The following ARHGAP24 variants were observed in gnomAD, a reference collection of about 807,000 sequenced individuals.
ARHGAP24 encodes rho GTPase-activating protein 24.
A neutral mutation model predicts 76.4 loss-of-function variants in ARHGAP24; 50 were observed. The observed-to-expected ratio is 0.65, with a 90% CI of 0.52 to 0.83. The LOEUF is 0.83. ARHGAP24 is among the 40% of genes least tolerant of loss of function. ARHGAP24 has a pLI of 0.00. For missense variants in ARHGAP24, 930 were observed against 914.2 expected, an observed-to-expected ratio of 1.02 and a Z score of -0.22; for synonymous variants, 345 against 323.3, an observed-to-expected ratio of 1.07 and a Z score of -0.72.
intron 7 of ARHGAP24, among the ~76,000 whole-genome samples, chr4:85,976,974 T>C (rs369095783): frequency 3.3e-5 from 5 of 152,046 alleles, no homozygotes; most frequent in African/African-American, 1.2e-4. Flanking sequence ...TTAGTAGAGA[T>C]GGGGTTTCAC....
intron 3 of ARHGAP24, among the ~76,000 whole-genome samples, chr4:85,734,608 A>AGTGCAGG (rs1725534762): frequency 7.0e-6 from 1 of 142,084 alleles, no homozygotes; most frequent in Non-Finnish European, 1.5e-5. Context: ...GAAAACAATT[A>AGTGCAGG]GTGCAGGGGC....
intron 2 of ARHGAP24, among the ~76,000 whole-genome samples, chr4:85,649,938 T>C (rs1388051700): frequency 6.6e-6 from 1 of 152,098 alleles, no homozygotes; most frequent in African/African-American, 2.4e-5. Context: ...TTATTGAGGC[T>C]TAGAGATATC....
At chr4:85,567,647 G>C (rs143211341) in intron 1 of ARHGAP24, among the ~76,000 whole-genome samples, 125 of 152,148 alleles carry the variant, frequency 8.2e-4, no homozygotes, top group Non-Finnish European at 1.4e-3. Flanking sequence ...ATCGTACTGA[G>C]TAGTAAGGGT....
intron 2 of ARHGAP24, among the ~76,000 whole-genome samples, chr4:85,673,187 C>A (rs777661736): frequency 2.0e-5 from 3 of 152,138 alleles, no homozygotes; most frequent in African/African-American, 7.2e-5. Context: ...TTCAAGTGCA[C>A]TTCCCTTTAG....
intron 2 of ARHGAP24, among the ~76,000 whole-genome samples, chr4:85,667,081 T>A (rs1410445688): frequency 1.3e-5 from 2 of 152,178 alleles, no homozygotes; most frequent in Non-Finnish European, 2.9e-5. Flanking sequence ...TTTTTGTTTG[T>A]CTGTGCCCTG....
intron 3 of ARHGAP24, among the ~76,000 whole-genome samples, chr4:85,758,869 G>A (rs938240496): frequency 2.0e-5 from 3 of 152,184 alleles, no homozygotes; most frequent in Non-Finnish European, 4.4e-5. Context: ...CCCCAGGACC[G>A]TTCCAAGGAA....
At chr4:85,632,076 A>G (rs1721175423) in intron 2 of ARHGAP24, among the ~76,000 whole-genome samples, 2 of 151,748 alleles carry the variant, frequency 1.3e-5, no homozygotes, top group Non-Finnish European at 2.9e-5. Flanking sequence ...CTTGATTTCC[A>G]TATATATTAT....
At chr4:85,487,202 TA>T (rs1723095205) in intron 1 of ARHGAP24, among the ~76,000 whole-genome samples, 1 of 136,294 alleles carries the variant, frequency 7.3e-6, no homozygotes, top group Non-Finnish European at 1.5e-5. Context: ...AATATATATT[TA>T]TTTTATATAT....
At chr4:85,570,309 C>CTCTCTT (rs909075270) in intron 1 of ARHGAP24, among the ~76,000 whole-genome samples, 2 of 152,080 alleles carry the variant, frequency 1.3e-5, no homozygotes, top group Admixed American at 6.5e-5. Flanking sequence ...CTTGCTCTCT[C>CTCTCTT]TCTCTTTCTC....
chr4:85,989,600 A>T (rs1038251903), intron 8 of ARHGAP24, among the ~76,000 whole-genome samples: 4 of 151,710 alleles, frequency 2.6e-5, no homozygotes, highest in African/African-American at 9.7e-5. Context: ...GAAATACAGA[A>T]TAATATCCCT....
chr4:85,835,429 G>A (rs1730214710), intron 3 of ARHGAP24, among the ~76,000 whole-genome samples: 1 of 151,296 alleles, frequency 6.6e-6, no homozygotes, highest in African/African-American at 2.4e-5. Flanking sequence ...GCGTGGTGGC[G>A]GGCGTCTGTA....
In ARHGAP24 at chr4:85,772,418, C is replaced by T. The variant is rs368173437; in HGVS notation, c.268+50446C>T. Among the ~76,000 whole-genome samples the T allele has an allele frequency of 3.3e-5, 5 of 152,182 alleles. 1 individual carries two copies. Among genetic ancestry groups the T allele is most frequent in the South Asian group, 4.1e-4 (2 of 4,828 alleles). Reference sequence around the variant, plus strand: ...CCTATTCCAACTTTAAAACAAATCTCGGCATTTTCTCTTGTTTGAGCTGTA... The same window carrying T: ...CCTATTCCAACTTTAAAACAAATCTTGGCATTTTCTCTTGTTTGAGCTGTA... On this transcript the variant is annotated intron_variant, in intron 3 of 9. Transcript: ENST00000395184.
chr4:85,727,055 A>G (rs1372869550), intron 3 of ARHGAP24, among the ~76,000 whole-genome samples: 1 of 152,034 alleles, frequency 6.6e-6, no homozygotes, highest in African/African-American at 2.4e-5. Context: ...TTTCAATAGA[A>G]TATTAAAACA....
chr4:85,988,622 A>G (rs1043754488), intron 8 of ARHGAP24, among the ~76,000 whole-genome samples: 1 of 151,620 alleles, frequency 6.6e-6, no homozygotes, highest in African/African-American at 2.4e-5. Context: ...TTTTTTTAAA[A>G]AAAAGGACAT....
chr4:85,774,939 A>G (rs558942932), intron 3 of ARHGAP24, among the ~76,000 whole-genome samples: 127 of 152,346 alleles, frequency 8.3e-4, no homozygotes, highest in Non-Finnish European at 1.5e-3. Context: ...TGTTCTGAAC[A>G]CTAAGAGCAA....
chr4:85,678,775 G>A (rs1723091533), intron 2 of ARHGAP24, among the ~76,000 whole-genome samples: 1 of 152,106 alleles, frequency 6.6e-6, no homozygotes, highest in Non-Finnish European at 1.5e-5. Context: ...ACAAGTCTTA[G>A]TCATTTTCAG....
intron 1 of ARHGAP24, among the ~76,000 whole-genome samples, chr4:85,526,520 T>C (rs891447168): frequency 6.6e-5 from 10 of 151,956 alleles, no homozygotes; most frequent in African/African-American, 2.2e-4. Flanking sequence ...TATATACTAA[T>C]GGTATGGGGC....
chr4:85,715,673 T>A (rs1724708234), intron 2 of ARHGAP24, among the ~76,000 whole-genome samples: 1 of 152,062 alleles, frequency 6.6e-6, no homozygotes, highest in Admixed American at 6.6e-5. Flanking sequence ...AGAACACTTA[T>A]GGTTACAATT....
intron 2 of ARHGAP24, among the ~76,000 whole-genome samples, chr4:85,607,368 G>A (rs1046334833): frequency 3.9e-5 from 6 of 151,950 alleles, no homozygotes; most frequent in Admixed American, 6.6e-5. Flanking sequence ...GAGAGGGAGG[G>A]AGGGAGGAAC....
Sources: gnomAD v4.1 joint callset for allele counts (sites outside exome capture counted in the v4.1 genomes callset) on GRCh38, gnomAD v4.1.1 for gene constraint, MANE v1.5 for transcripts, NCBI Gene and HGNC (gene_info 2026-07-23, HGNC 2026-07-21) for gene names.